ZFP42: variants seen among roughly 807,000 people sequenced by gnomAD.
The protein encoded by ZFP42 is zinc finger protein 42 homolog.
For missense variants in ZFP42, 438 were observed against 377.1 expected (o/e 1.16, Z -1.34); for synonymous variants, 175 against 144.6 (o/e 1.21, Z -1.51).
chr4:188,003,574 T>C lies in ZFP42; in HGVS notation c.767T>C (p.Phe256Ser). Reference protein sequence around the residue: ...RCTFEGCGKRFSLDFNLRTHV... With the variant: ...RCTFEGCGKRSSLDFNLRTHV... ...ACTTTTGAAGGGTGCGGAAAGCGCT[T>C]CTCTCTGGACTTTAATTTGCGTACG... The change falls in exon 4 of 4, where the codon TTC becomes TCC. Residue 256 changes from phenylalanine to serine, a missense_variant. By Grantham distance (155) the Phe-to-Ser change is radical (BLOSUM62 -2). Transcript: ENST00000326866. The C allele has an allele frequency of 1.9e-6, 3 of 1,613,584 alleles. No homozygotes were observed. Among genetic ancestry groups the C allele is most frequent in the Non-Finnish European group, 2.5e-6 (3 of 1,180,048 alleles).
intron 3 of ZFP42, among the ~76,000 whole-genome samples, chr4:188,001,285 A>C (rs916036727): frequency 6.6e-6 from 1 of 152,116 alleles, no homozygotes; most frequent in Non-Finnish European, 1.5e-5. Context: ...GACAATAAAT[A>C]GGGAGATCTT....
rs1241742331 is a variant in ZFP42 at position 188,003,945 on chromosome 4, G to C, written c.*205G>C. 1 of 518,868 alleles carries C rather than the reference G, an allele frequency of 1.9e-6. No individual in the cohort carries two copies. Among genetic ancestry groups the C allele is most frequent in the Non-Finnish European group, 3.4e-6 (1 of 293,972 alleles). The allele number at this position is 518,868 out of a possible 1,614,324, so 32.1% of individuals were successfully genotyped here. ...TTTTTTCTTTTATTTGTTTTATTTA[G>C]AACTTTTTTTATTTGTTTTATTTAG... On this transcript the variant is annotated 3_prime_UTR_variant, in exon 4 of 4. Coordinates refer to ENST00000326866, the MANE Select transcript of ZFP42 (RefSeq NM_174900.5).
intron 1 of ZFP42, among the ~76,000 whole-genome samples, chr4:187,998,120 T>G (rs1461435761): frequency 1.3e-5 from 2 of 152,184 alleles, no homozygotes; most frequent in Non-Finnish European, 2.9e-5. Flanking sequence ...GCGGATCGCC[T>G]GAGGTCGGGA....
intron 3 of ZFP42, among the ~76,000 whole-genome samples, chr4:188,000,474 C>T (rs574093801): frequency 6.6e-6 from 1 of 152,222 alleles, no homozygotes; most frequent in African/African-American, 2.4e-5. Flanking sequence ...ACTGCCTCCG[C>T]CTCCCAGGCT....
rs566285509 is a variant in ZFP42 at position 188,004,863 on chromosome 4, G to T, written c.*1123G>T. On this transcript the variant is annotated 3_prime_UTR_variant, in exon 4 of 4. Coordinates refer to ENST00000326866, the MANE Select transcript of ZFP42 (RefSeq NM_174900.5). Reference sequence around the variant, plus strand: ...GAGAATGAAAAATTTGCAGTAGATAGTCAATAAATGAATCAGTAGTTAAAT... The same window carrying T: ...GAGAATGAAAAATTTGCAGTAGATATTCAATAAATGAATCAGTAGTTAAAT... 1 of 167,068 alleles carries T rather than the reference G, an allele frequency of 6.0e-6. No homozygotes were observed. The highest frequency in any genetic ancestry group is 2.4e-5 in the African/African-American group (1 of 41,454). 10.3% of individuals were successfully genotyped at this position (167,068 alleles called of 1,614,324 possible).
chr4:188,002,711 A>T lies in ZFP42; in HGVS notation c.-95-2A>T. The T allele has an allele frequency of 1.1e-6, 1 of 946,092 alleles. No individual in the cohort carries two copies. The highest frequency in any genetic ancestry group is 1.6e-6 in the Non-Finnish European group (1 of 612,412). The allele number at this position is 946,092 out of a possible 1,614,324, so 58.6% of individuals were successfully genotyped here. The stretch of plus-strand genomic sequence containing the variant: ...TAACTAAAGGTTATTATCATAAAGC[A>T]GGTGTTTGCTGAAGACAGCTTACTC... On this transcript the variant is annotated splice_acceptor_variant, in intron 3 of 3. Transcript: ENST00000326866. LOFTEE classifies it low-confidence loss of function (5UTR_SPLICE).
rs141797993 is a variant in ZFP42, at chr4:187,998,272, G to T, written c.-338-836G>T. Among the ~76,000 whole-genome samples, 329 of 152,230 alleles carry T rather than the reference G, an allele frequency of 2.2e-3. 1 individual carries two copies. The highest frequency in any genetic ancestry group is 7.6e-3 in the African/African-American group (314 of 41,546). On this transcript the variant is annotated intron_variant, in intron 1 of 3. Coordinates refer to ENST00000326866, the MANE Select transcript of ZFP42 (RefSeq NM_174900.5). Reference sequence around the variant, plus strand: ...AATCGGCTGAACCTGGGAGGCGGAGGTTGCTGTGAGCGGAGATCACGCTGT... The same window carrying T: ...AATCGGCTGAACCTGGGAGGCGGAGTTTGCTGTGAGCGGAGATCACGCTGT...
rs562486346 is a variant in ZFP42, at chr4:188,001,436, C to T, written c.-95-1277C>T. Among the ~76,000 whole-genome samples the T allele has an allele frequency of 2.0e-5, 3 of 152,254 alleles. No homozygotes were observed. The East Asian group carries it at 5.8e-4, about 29-fold the overall frequency. On this transcript the variant is annotated intron_variant, in intron 3 of 3. Coordinates refer to ENST00000326866, the MANE Select transcript of ZFP42 (RefSeq NM_174900.5). ...GAAAGTCTTCAGGGCCAAGCTACCC[C>T]GTGCCTTTATTTTGGCATGGATTCC...
In ZFP42 at chr4:188,003,451, G is replaced by A. The variant is rs1309230542; in HGVS notation, c.644G>A (p.Arg215Gln). ...LRKHLLIHGP[R>Q]DHVCAECGKA... ...AAGCATCTCCTCATTCATGGTCCCC[G>A]AGACCACGTCTGTGCGGAATGTGGG... The change falls in exon 4 of 4, where the codon CGA becomes CAA. Residue 215 changes from arginine (R) to glutamine (Q), a missense_variant. Coordinates refer to ENST00000326866, the MANE Select transcript of ZFP42 (RefSeq NM_174900.5). The A allele has an allele frequency of 9.3e-6, 15 of 1,614,066 alleles. No homozygotes were observed. The highest frequency in any genetic ancestry group is 1.7e-6 in the Non-Finnish European group (2 of 1,180,028).
Position 188,003,925 on chromosome 4 carries a change from T to C in ZFP42, c.*185T>C, listed in dbSNP as rs1462236343. 3.5e-6 allele frequency: 2 copies of C among 571,150 alleles called. No homozygotes were observed. Among genetic ancestry groups the C allele is most frequent in the Non-Finnish European group, 6.0e-6 (2 of 334,290 alleles). The allele number at this position is 571,150 out of a possible 1,614,324, so 35.4% of individuals were successfully genotyped here. A position where few individuals can be genotyped will look rare whatever the true frequency, so the allele number is the denominator to read the frequency against. ...TTTAAGGACATGGTGCATTTTTTTT[T>C]CTTTTATTTGTTTTATTTAGAACTT... is the stretch of plus-strand genomic sequence containing the variant. On this transcript the variant is annotated 3_prime_UTR_variant, in exon 4 of 4. Transcript: ENST00000326866.
Position 188,003,893 on chromosome 4 carries a change from A to T in ZFP42, c.*153A>T. The T allele has an allele frequency of 4.2e-6, 3 of 721,870 alleles. No individual in the cohort carries two copies. Among genetic ancestry groups the T allele is most frequent in the Non-Finnish European group, 6.7e-6 (3 of 447,510 alleles). The allele number at this position is 721,870 out of a possible 1,614,324, so 44.7% of individuals were successfully genotyped here. A position where few individuals can be genotyped will look rare whatever the true frequency, so the allele number is the denominator to read the frequency against. On this transcript the variant is annotated 3_prime_UTR_variant, in exon 4 of 4. Transcript: ENST00000326866. Reference sequence around the variant, plus strand: ...TACTAAGATGCTCCTACACTTTGTGATACCGTTTTAAGGACATGGTGCATT... The same window carrying T: ...TACTAAGATGCTCCTACACTTTGTGTTACCGTTTTAAGGACATGGTGCATT...
In ZFP42 at chr4:188,002,727, C is replaced by T; in HGVS notation, c.-81C>T. The T allele has an allele frequency of 1.7e-6, 2 of 1,184,784 alleles. No individual in the cohort carries two copies. Among genetic ancestry groups the T allele is most frequent in the Non-Finnish European group, 2.4e-6 (2 of 826,074 alleles). 73.4% of individuals were successfully genotyped at this position (1,184,784 alleles called of 1,614,324 possible). The stretch of plus-strand genomic sequence containing the variant: ...TCATAAAGCAGGTGTTTGCTGAAGA[C>T]AGCTTACTCAGATCACTACTGCCTG... On this transcript the variant is annotated 5_prime_UTR_variant, in exon 4 of 4. Transcript: ENST00000326866.
At position 188,003,535 on chromosome 4, in the gene ZFP42, A is replaced by G; in HGVS notation, c.728A>G (p.Lys243Arg). Residue 243 changes from lysine to arginine, a missense_variant, in exon 4 of 4, where the codon AAG becomes AGG. By Grantham distance (26) the Lys-to-Arg change is conservative (BLOSUM62 2). Coordinates refer to ENST00000326866, the MANE Select transcript of ZFP42 (RefSeq NM_174900.5). ...KRHFLVHTGE[K>R]PFRCTFEGCG... The stretch of plus-strand genomic sequence containing the variant: ...CATTTCCTGGTTCATACTGGAGAGA[A>G]GCCGTTTCGGTGCACTTTTGAAGGG... The G allele has an allele frequency of 1.9e-6, 3 of 1,613,736 alleles. No homozygotes were observed. The highest frequency in any genetic ancestry group is 2.5e-6 in the Non-Finnish European group (3 of 1,180,034).
intron 3 of ZFP42, among the ~76,000 whole-genome samples, chr4:188,002,307 T>A (rs1733856011): frequency 6.6e-6 from 1 of 152,246 alleles, no homozygotes. Flanking sequence ...GGCTTCTGTT[T>A]CCTACCAGCC....
chr4:188,005,175 T>G (rs977323401), downstream of ZFP42: 7 of 164,864 alleles, frequency 4.2e-5, no homozygotes, highest in African/African-American at 1.7e-4. Context: ...GGCGGGAAGT[T>G]GGGCTTACGT....
chr4:188,002,128 G>A (rs1455849347), intron 3 of ZFP42, among the ~76,000 whole-genome samples: 4 of 152,186 alleles, frequency 2.6e-5, no homozygotes, highest in Non-Finnish European at 5.9e-5. Flanking sequence ...AATGAGCTAA[G>A]ATTGCACCAC....
chr4:187,997,035 G>GTGGAGCA (rs1286861135), intron 1 of ZFP42, among the ~76,000 whole-genome samples: 15 of 85,778 alleles, frequency 1.7e-4, no homozygotes, highest in Admixed American at 4.1e-4. Flanking sequence ...AGCATGGAGC[G>GTGGAGCA]TGGAGCATGG....
At chr4:188,002,667 C>G (rs887020685) in intron 3 of ZFP42, 46 bp from the exon 4 acceptor site, 89 of 710,038 alleles carry the variant, frequency 1.3e-4, no homozygotes, top group Admixed American at 2.9e-4. Context: ...GACAGTGGCT[C>G]TAATACTGGA....
rs1357160295 is a variant in ZFP42, at chr4:187,999,639, A to G, written c.-142A>G. 1 of 152,270 alleles carries G rather than the reference A, an allele frequency of 6.6e-6. No homozygotes were observed. The highest frequency in any genetic ancestry group is 2.4e-5 in the African/African-American group (1 of 41,470). The allele number at this position is 152,270 out of a possible 1,614,324, so 9.4% of individuals were successfully genotyped here. A position where few individuals can be genotyped will look rare whatever the true frequency, so the allele number is the denominator to read the frequency against. ...TGTACTGAGGCTGGAGCCTGTGTGA[A>G]CAGAACAGAAGAGGCCTTCACTCTA... On this transcript the variant is annotated 5_prime_UTR_variant, in exon 3 of 4. Coordinates refer to ENST00000326866, the MANE Select transcript of ZFP42 (RefSeq NM_174900.5).
Sources: allele counts gnomAD v4.1 joint callset (sites outside exome capture counted in the v4.1 genomes callset), GRCh38; gene constraint gnomAD v4.1.1; transcripts MANE v1.5; gene names NCBI Gene and HGNC (gene_info 2026-07-23, HGNC 2026-07-21).